The following CPNE6 variants were observed in gnomAD, a reference collection of about 807,000 sequenced individuals.
The protein encoded by CPNE6 is copine 6.
Under a neutral mutation model 71.5 loss-of-function variants are expected in CPNE6, and 33 were observed. The ratio of observed to expected loss-of-function variants is 0.46; its 90% CI spans 0.35 to 0.62. The LOEUF (loss-of-function observed/expected upper bound fraction) is 0.62, where lower values mean the gene tolerates loss of function less well. Ranked by LOEUF, CPNE6 falls within the 20% of genes least tolerant of loss-of-function variation. The pLI is 0.00. For synonymous variants in CPNE6, 296 were observed against 293.0 expected (o/e 1.01, Z -0.10); for missense variants, 576 against 747.3 (o/e 0.77, Z 2.67).
chr14:24,072,630 A>T, intron 2 of CPNE6: 1 of 265,344 alleles, frequency 3.8e-6, no homozygotes, highest in Non-Finnish European at 7.0e-6. Flanking sequence ...AGTGTAGATC[A>T]ATCGATGGCC....
rs1396887874 is a variant in CPNE6, at chr14:24,077,438, TC to T, written c.1536+54del. On this transcript the variant is annotated intron_variant, in intron 16 of 17. Transcript: ENST00000397016. The surrounding 1 kb of genome is among the most constrained non-coding windows in gnomAD (Gnocchi z 6.1). ...GGCTGAAGGACTCCTCAGCTTCTCA[TC>T]CCCCCAAATCTGACCTTCGTCTTCC... is the stretch of plus-strand genomic sequence containing the variant. 6.3e-7 allele frequency: 1 copy of T among 1,583,902 alleles called. No homozygotes were observed. The highest frequency in any genetic ancestry group is 8.7e-7 in the Non-Finnish European group (1 of 1,153,070).
At chr14:24,076,687 G>A (rs770627192) in intron 14 of CPNE6, 130 bp downstream of exon 13, 7 of 1,461,764 alleles carry the variant, frequency 4.8e-6, no homozygotes, top group Non-Finnish European at 2.8e-6. Flanking sequence ...ATCAGGTGAG[G>A]CTTCCAGGGC....
exon 15 of CPNE6, chr14:24,076,908 C>T (rs770549858): frequency 3.1e-6 from 5 of 1,613,476 alleles, no homozygotes; most frequent in South Asian, 1.1e-5. Context: ...CTCCTACCGT[C>T]GTTGCCTGCC....
Position 24,074,248 on chromosome 14 carries a change from T to C in CPNE6, c.424-43T>C, listed in dbSNP as rs772649387. The C allele has an allele frequency of 3.7e-6, 6 of 1,604,000 alleles. No homozygotes were observed. The East Asian group carries it at 1.3e-4, about 36-fold the overall frequency. On this transcript the variant is annotated intron_variant, in intron 5 of 17. Coordinates refer to ENST00000397016, the Ensembl canonical transcript of CPNE6. The surrounding 1 kb of genome is among the most constrained non-coding windows in gnomAD (Gnocchi z 4.5). ...GGGAAAGGGGATGGGGTGGCCCTTGTGGTAAGGTTAGGGGAGTCCTGCCAC... is the reference window on the plus strand; with the variant it reads ...GGGAAAGGGGATGGGGTGGCCCTTGCGGTAAGGTTAGGGGAGTCCTGCCAC...
At chr14:24,072,983 C>T (rs778414373) in exon 3 of CPNE6, 16 of 1,586,314 alleles carry the variant, frequency 1.0e-5, no homozygotes, top group Admixed American at 3.5e-5. Flanking sequence ...CCAACCATGA[C>T]GCTGGGGGCC....
rs2035977759 is a variant in CPNE6, at chr14:24,073,835, C to T, written c.348+157C>T. Among the ~76,000 whole-genome samples the T allele has an allele frequency of 6.6e-6, 1 of 152,226 alleles. No individual in the cohort carries two copies. The highest frequency in any genetic ancestry group is 2.4e-5 in the African/African-American group (1 of 41,462). ...TAGCTGTGCAGCCTCAGGAAAGATA[C>T]TTAACCTCTCTGAGTCTTAGTTTTC... On this transcript the variant is annotated intron_variant, in intron 4 of 17. Coordinates refer to ENST00000397016, the Ensembl canonical transcript of CPNE6. The surrounding 1 kb of genome is among the most constrained non-coding windows in gnomAD (Gnocchi z 5.5).
intron 1 of CPNE6, chr14:24,071,082 G>A: frequency 6.8e-7 from 1 of 1,480,906 alleles, no homozygotes; most frequent in Non-Finnish European, 9.1e-7. Context: ...TCCTGTATAT[G>A]TGACTGCAGA....
At position 24,077,476 on chromosome 14, in the gene CPNE6, T is replaced by C. The variant is rs2036128994; in HGVS notation, c.1536+86T>C. The C allele has an allele frequency of 1.9e-6, 3 of 1,573,954 alleles. No individual in the cohort carries two copies. Among genetic ancestry groups the C allele is most frequent in the Non-Finnish European group, 2.6e-6 (3 of 1,144,162 alleles). On this transcript the variant is annotated intron_variant, in intron 16 of 17. Coordinates refer to ENST00000397016, the Ensembl canonical transcript of CPNE6. The surrounding 1 kb of genome is among the most constrained non-coding windows in gnomAD (Gnocchi z 6.1). ...GACCTTCGTCTTCCACCATTTGATG[T>C]CCTGCTAAGGACGCGGGAGCCCAGC...
Position 24,076,566 on chromosome 14 carries a change from G to A in CPNE6, c.1165+9G>A, listed in dbSNP as rs534464893. On this transcript the variant is annotated intron_variant, in intron 14 of 17. Transcript: ENST00000397016. ...AAATCCTGAATGTGAAGGTAAAAGG[G>A]GAGATTTTCACCTGCCCCGCCTCCC... is the stretch of plus-strand genomic sequence containing the variant. 3.7e-6 allele frequency: 6 copies of A among 1,614,068 alleles called. No individual in the cohort carries two copies. In the South Asian group the frequency reaches 5.5e-5, roughly 15 times the overall value.
rs1303820839 is a variant in CPNE6 at position 24,073,811 on chromosome 14, A to G, written c.348+133A>G. 1.0e-6 allele frequency: 1 copy of G among 975,396 alleles called. No homozygotes were observed. The highest frequency in any genetic ancestry group is 1.5e-6 in the Non-Finnish European group (1 of 658,306). The allele number at this position is 975,396 out of a possible 1,614,324, so 60.4% of individuals were successfully genotyped here. A position where few individuals can be genotyped will look rare whatever the true frequency, so the allele number is the denominator to read the frequency against. ...TTGGCTCCCATCTCTGCCATTCACT[A>G]GCTGTGCAGCCTCAGGAAAGATACT... On this transcript the variant is annotated intron_variant, in intron 4 of 17. Coordinates refer to ENST00000397016, the Ensembl canonical transcript of CPNE6. The surrounding 1 kb of genome is among the most constrained non-coding windows in gnomAD (Gnocchi z 5.5).
At position 24,076,568 on chromosome 14, in the gene CPNE6, A is replaced by G; in HGVS notation, c.1165+11A>G. The stretch of plus-strand genomic sequence containing the variant: ...ATCCTGAATGTGAAGGTAAAAGGGG[A>G]GATTTTCACCTGCCCCGCCTCCCCG... On this transcript the variant is annotated intron_variant, in intron 14 of 17. Coordinates refer to ENST00000397016, the Ensembl canonical transcript of CPNE6. The G allele has an allele frequency of 2.5e-6, 4 of 1,614,020 alleles. No individual in the cohort carries two copies. The highest frequency in any genetic ancestry group is 3.4e-6 in the Non-Finnish European group (4 of 1,179,988).
Position 24,077,663 on chromosome 14 carries a change from G to C in CPNE6, c.1607G>C (p.Ser536Thr). 2 of 1,595,410 alleles carry C rather than the reference G, an allele frequency of 1.3e-6. No homozygotes were observed. The highest frequency in any genetic ancestry group is 1.7e-6 in the Non-Finnish European group (2 of 1,170,456). The change falls in exon 17 of 18, where the codon AGC (serine) becomes ACC (threonine). Residue 536 changes from serine (S) to threonine (T), a missense_variant. By Grantham distance (58) the Ser-to-Thr change is moderately conservative. Around this residue, in one of 4 missense-constraint regions of CPNE6, gnomAD observed 264 missense variants for 339.9 expected, o/e 0.78. Coordinates refer to ENST00000397016, the Ensembl canonical transcript of CPNE6. This position sits in a 1 kb window ranked among gnomAD's most constrained non-coding sequence, Gnocchi z 6.1. ...CGGCAGGTGGTGGAGTACTACGCCA[G>C]CCAGGGCATCAGCCCTGGGGCTCCC...
At position 24,076,934 on chromosome 14, in the gene CPNE6, C is replaced by T. The variant is rs150479685; in HGVS notation, c.1221C>T (p.Tyr407=). Residue 407 remains tyrosine, a synonymous_variant, in exon 15 of 18, where the codon TAC becomes TAT. Transcript: ENST00000397016. The stretch of plus-strand genomic sequence containing the variant: ...GTTGCCTGCCCCAGATCCAGCTCTA[C>T]GGCCCCACCAATGTGGCCCCCATCA... The T allele has an allele frequency of 3.1e-3, 5,061 of 1,613,308 alleles. 10 individuals carry two copies. The highest frequency in any genetic ancestry group is 3.8e-3 in the Non-Finnish European group (4,536 of 1,180,030).
At chr14:24,071,478 C>G in intron 1 of CPNE6, 84 bp from the exon 1 acceptor site, 1 of 1,527,788 alleles carries the variant, frequency 6.5e-7, no homozygotes, top group Non-Finnish European at 8.7e-7. Flanking sequence ...CCAATCCATC[C>G]ACGCGGGGGG....
chr14:24,073,432 G>C lies in CPNE6; in HGVS notation c.169-67G>C, dbSNP rs1409959538. Reference sequence around the variant, plus strand: ...AAGAAGAGCTGGCATGACTAGGGCAGTCCAGGACAGGGAAAAGTATCCTCG... The same window carrying C: ...AAGAAGAGCTGGCATGACTAGGGCACTCCAGGACAGGGAAAAGTATCCTCG... On this transcript the variant is annotated intron_variant, in intron 3 of 17. Transcript: ENST00000397016. The surrounding 1 kb of genome is among the most constrained non-coding windows in gnomAD (Gnocchi z 5.5). The C allele has an allele frequency of 1.9e-6, 3 of 1,552,680 alleles. No individual in the cohort carries two copies. In the African/African-American group the frequency reaches 4.1e-5, roughly 21 times the overall value.
chr14:24,076,952 C>A, exon 15 of CPNE6: 1 of 1,613,210 alleles, frequency 6.2e-7, no homozygotes, highest in Non-Finnish European at 8.5e-7. Flanking sequence ...CCAATGTGGC[C>A]CCCATCATCA....
Position 24,075,214 on chromosome 14 carries a change from A to C in CPNE6, c.715A>C (p.Ile239Leu). 1 of 1,614,010 alleles carries C rather than the reference A, an allele frequency of 6.2e-7. No homozygotes were observed. The highest frequency in any genetic ancestry group is 8.5e-7 in the Non-Finnish European group (1 of 1,179,996). Residue 239 changes from isoleucine to leucine, a missense_variant, in exon 9 of 18, where the codon ATC becomes CTC. Transcript: ENST00000397016. This position sits in a 1 kb window ranked among gnomAD's most constrained non-coding sequence, Gnocchi z 4.3. ...TGACTCCAGTGGGAAGCATGACTTC[A>C]TCGGCGAGTTCACCAGCACTTTCCA...
chr14:24,076,802 C>T, intron 14 of CPNE6, 77 bp from the exon 14 acceptor site: 1 of 1,599,268 alleles, frequency 6.3e-7, no homozygotes, highest in South Asian at 1.1e-5. Flanking sequence ...GACCTGGAAG[C>T]ATTTCCTTGC....
chr14:24,074,458 C>A lies in CPNE6; in HGVS notation c.499-73C>A. On this transcript the variant is annotated intron_variant, in intron 6 of 17. Coordinates refer to ENST00000397016, the Ensembl canonical transcript of CPNE6. The surrounding 1 kb of genome is among the most constrained non-coding windows in gnomAD (Gnocchi z 4.5). ...CCAGGAGCCCAGGCCTGCTCTCTTCCCAGTGGGAGCCCATCCCCCACCCTC... is the reference window on the plus strand; with the variant it reads ...CCAGGAGCCCAGGCCTGCTCTCTTCACAGTGGGAGCCCATCCCCCACCCTC... The A allele has an allele frequency of 6.4e-7, 1 of 1,574,218 alleles. No individual in the cohort carries two copies. The highest frequency in any genetic ancestry group is 8.7e-7 in the Non-Finnish European group (1 of 1,145,994).
Sources: allele counts gnomAD v4.1 joint callset (sites outside exome capture counted in the v4.1 genomes callset), GRCh38; gene constraint gnomAD v4.1.1; regional missense constraint gnomAD v4.1.1; non-coding constraint Gnocchi (gnomAD v3.1); transcripts MANE v1.5; gene names NCBI Gene and HGNC (gene_info 2026-07-23, HGNC 2026-07-21).